The following NBAS variants were observed in gnomAD, a reference collection of about 807,000 sequenced individuals.
NBAS encodes NBAS subunit of NRZ tethering complex, also known as NAG/BC035112 fusion.
NBAS carries 219 observed loss-of-function variants against 302.5 expected under a neutral mutation model. The ratio of observed to expected loss-of-function variants is 0.72; its 90% CI spans 0.65 to 0.81. The LOEUF is 0.81. NBAS is among the 30% of genes least tolerant of loss of function. The pLI is 0.00. For missense variants in NBAS, 2,932 were observed against 2,841.6 expected (o/e 1.03, Z -0.72); for synonymous variants, 1,118 against 1,021.6 (o/e 1.09, Z -1.80).
At chr2:14,894,263 A>G in the NBAS span, among the ~76,000 whole-genome samples, 1 of 152,224 alleles carries the variant, frequency 6.6e-6, no homozygotes, top group Non-Finnish European at 1.5e-5. Context: ...AGGGGATCCA[A>G]CAGGCAGGAG....
intron 50 of NBAS, 198 bp from the exon 51 acceptor site, chr2:15,179,314 T>C (rs1391354071): frequency 1.4e-6 from 1 of 694,592 alleles, no homozygotes; most frequent in East Asian, 2.8e-5. Flanking sequence ...TGTGTACAGA[T>C]TTCCAAGCTA....
chr2:15,457,362 T>C (rs1362342585), intron 21 of NBAS, among the ~76,000 whole-genome samples: 3 of 152,104 alleles, frequency 2.0e-5, no homozygotes, highest in African/African-American at 7.2e-5. Context: ...CACTGAGCAA[T>C]GTACACTCTC....
chr2:14,962,167 G>A, the NBAS span, among the ~76,000 whole-genome samples: 11 of 152,242 alleles, frequency 7.2e-5, no homozygotes, highest in African/African-American at 1.2e-4. Context: ...TCTTCACAGC[G>A]TCCGTCCTGA....
At chr2:15,118,078 A>C in the NBAS span, among the ~76,000 whole-genome samples, 1 of 152,208 alleles carries the variant, frequency 6.6e-6, no homozygotes. Flanking sequence ...TTTGTTATTG[A>C]CTTGTCCTGG....
At chr2:14,906,710 C>A in the NBAS span, among the ~76,000 whole-genome samples, 1 of 152,206 alleles carries the variant, frequency 6.6e-6, no homozygotes, top group African/African-American at 2.4e-5. Context: ...GCCTGGCTCT[C>A]AGGGCTCAGT....
At chr2:15,036,298 GGT>G in the NBAS span, among the ~76,000 whole-genome samples, 2 of 152,142 alleles carry the variant, frequency 1.3e-5, no homozygotes, top group African/African-American at 4.8e-5. Context: ...ATTTTTATAA[GGT>G]CTACCAAATA....
At chr2:15,446,095 AG>A (rs1192000852) in intron 21 of NBAS, among the ~76,000 whole-genome samples, 3 of 151,914 alleles carry the variant, frequency 2.0e-5, no homozygotes, top group Admixed American at 2.0e-4. Context: ...GAAAAAAAAA[AG>A]TGTGTGTATT....
chr2:14,894,174 T>G, the NBAS span, among the ~76,000 whole-genome samples: 1 of 152,190 alleles, frequency 6.6e-6, no homozygotes, highest in African/African-American at 2.4e-5. Context: ...CATACATACC[T>G]TCTCAGAAAG....
intron 11 of NBAS, among the ~76,000 whole-genome samples, chr2:15,500,601 A>G (rs1292570815): frequency 6.6e-6 from 1 of 151,670 alleles, no homozygotes; most frequent in African/African-American, 2.4e-5. Context: ...TGACAAAAAC[A>G]CTGTAAATGC....
chr2:15,268,210 G>C (rs547203545), intron 44 of NBAS, among the ~76,000 whole-genome samples: 2 of 152,222 alleles, frequency 1.3e-5, no homozygotes, highest in Non-Finnish European at 2.9e-5. Context: ...TTTCTGAGGA[G>C]AGAAGGAGTG....
intron 11 of NBAS, among the ~76,000 whole-genome samples, chr2:15,500,785 G>C (rs1401741489): frequency 6.6e-6 from 1 of 151,732 alleles, no homozygotes; most frequent in Non-Finnish European, 1.5e-5. Context: ...TCAGCCGGGC[G>C]TGGGGGCGGG....
intron 38 of NBAS, among the ~76,000 whole-genome samples, chr2:15,312,173 C>G (rs1273417463): frequency 6.6e-6 from 1 of 152,248 alleles, no homozygotes; most frequent in Non-Finnish European, 1.5e-5. Context: ...ACCAGATCTT[C>G]GTCCTTGATT....
the NBAS span, among the ~76,000 whole-genome samples, chr2:15,120,797 C>A: frequency 1.3e-5 from 2 of 152,210 alleles, no homozygotes; most frequent in African/African-American, 4.8e-5. Flanking sequence ...TGGGCGAGAA[C>A]ACAGCCAGAC....
the NBAS span, among the ~76,000 whole-genome samples, chr2:15,039,157 T>G: frequency 6.6e-6 from 1 of 152,188 alleles, no homozygotes; most frequent in Non-Finnish European, 1.5e-5. Context: ...CTTAGTTTCC[T>G]AATCTGTAAA....
the NBAS span, among the ~76,000 whole-genome samples, chr2:15,030,373 A>C: frequency 6.6e-6 from 1 of 152,174 alleles, no homozygotes; most frequent in Non-Finnish European, 1.5e-5. Flanking sequence ...TGTATGGTTA[A>C]ATTATTGGAG....
At chr2:15,486,796 A>G (rs1680646716) in intron 12 of NBAS, among the ~76,000 whole-genome samples, 1 of 152,128 alleles carries the variant, frequency 6.6e-6, no homozygotes, top group Non-Finnish European at 1.5e-5. Context: ...TTAATGAGTA[A>G]AGAGTAATGC....
chr2:14,912,947 TG>T, the NBAS span, among the ~76,000 whole-genome samples: 1 of 152,210 alleles, frequency 6.6e-6, no homozygotes, highest in Non-Finnish European at 1.5e-5. Flanking sequence ...TATGAATTTA[TG>T]TTCTTAAAAT....
intron 35 of NBAS, among the ~76,000 whole-genome samples, chr2:15,340,009 A>G (rs1185576843): frequency 2.0e-5 from 3 of 152,166 alleles, no homozygotes; most frequent in Non-Finnish European, 4.4e-5. Flanking sequence ...GAAGGAAAAT[A>G]AAGTCCAACA....
chr2:15,367,639 C>A (rs1674275990), intron 31 of NBAS, among the ~76,000 whole-genome samples: 1 of 152,196 alleles, frequency 6.6e-6, no homozygotes, highest in Non-Finnish European at 1.5e-5. Flanking sequence ...AATGTTTTCA[C>A]ACCTTGAATC....
Sources: allele counts gnomAD v4.1 joint callset (sites outside exome capture counted in the v4.1 genomes callset), GRCh38; gene constraint gnomAD v4.1.1; transcripts MANE v1.5; gene names NCBI Gene and HGNC (gene_info 2026-07-23, HGNC 2026-07-21).